The following DPP10 variants were observed in gnomAD, a reference collection of about 807,000 sequenced individuals.
The protein encoded by DPP10 is inactive dipeptidyl peptidase 10.
DPP10 carries 33 observed loss-of-function variants against 120.9 expected under a neutral mutation model. The ratio of observed to expected loss-of-function variants is 0.27; its 90% confidence interval spans 0.21 to 0.37. The LOEUF is 0.37. Ranked by LOEUF, DPP10 falls within the 10% of genes least tolerant of loss-of-function variation. The pLI, the probability that DPP10 is intolerant of heterozygous loss-of-function variation, is 1.00. For synonymous variants in DPP10, 337 were observed against 326.1 expected (o/e 1.03, Z -0.36); for missense variants, 816 against 942.8 (o/e 0.87, Z 1.76).
At chr2:115,504,275 C>CCT (rs2076833027) in intron 4 of DPP10, among the ~76,000 whole-genome samples, 1 of 131,618 alleles carries the variant, frequency 7.6e-6, no homozygotes, top group African/African-American at 2.8e-5. Flanking sequence ...CTATTGCCAA[C>CCT]TTTTTTTTTT....
chr2:114,757,112 G>A (rs1679826763), intron 1 of DPP10, among the ~76,000 whole-genome samples: 1 of 148,936 alleles, frequency 6.7e-6, no homozygotes, highest in African/African-American at 2.5e-5. Context: ...AGGAGGAAGG[G>A]AGGCAGACAG....
At chr2:114,837,086 T>C (rs752306787) in intron 1 of DPP10, among the ~76,000 whole-genome samples, 2 of 152,046 alleles carry the variant, frequency 1.3e-5, no homozygotes, top group Non-Finnish European at 2.9e-5. Flanking sequence ...GGTCATGAGG[T>C]GACATACATC....
chr2:114,907,210 T>G (rs1033837760), intron 1 of DPP10, among the ~76,000 whole-genome samples: 1 of 152,010 alleles, frequency 6.6e-6, no homozygotes, highest in Non-Finnish European at 1.5e-5. Context: ...TTTTTCTTGG[T>G]CGGTGTAGAT....
At chr2:114,989,588 A>G (rs946640812) in intron 1 of DPP10, among the ~76,000 whole-genome samples, 1 of 152,236 alleles carries the variant, frequency 6.6e-6, no homozygotes, top group African/African-American at 2.4e-5. Context: ...GATCTGGCTC[A>G]TGTGAGATCA....
chr2:115,221,699 T>C (rs2057169695), intron 1 of DPP10, among the ~76,000 whole-genome samples: 1 of 151,740 alleles, frequency 6.6e-6, no homozygotes, highest in African/African-American at 2.4e-5. Flanking sequence ...TCATGGCAAT[T>C]AGCCTGGCCA....
chr2:115,259,409 G>A lies in DPP10; in HGVS notation c.61-49830G>A, dbSNP rs192190695. ...TGAGGCATGAGAATCACTTGAACCC[G>A]GGAGGCGGAGGTTGCAGTGAGCCGA... is the stretch of plus-strand genomic sequence containing the variant. On this transcript the variant is annotated intron_variant, in intron 1 of 25. Coordinates refer to ENST00000410059, the MANE Select transcript of DPP10 (RefSeq NM_020868.6). Among the ~76,000 whole-genome samples the A allele has an allele frequency of 2.0e-4, 30 of 151,750 alleles. No individual in the cohort carries two copies. The East Asian group carries it at 4.1e-3, about 21-fold the overall frequency.
intron 1 of DPP10, among the ~76,000 whole-genome samples, chr2:114,967,535 G>A (rs968012701): frequency 1.3e-5 from 2 of 152,160 alleles, no homozygotes; most frequent in African/African-American, 4.8e-5. Flanking sequence ...GGGAATGGGG[G>A]ACAAGGCAGG....
intron 3 of DPP10, among the ~76,000 whole-genome samples, chr2:115,458,441 C>A (rs2073753246): frequency 6.6e-6 from 1 of 151,890 alleles, no homozygotes; most frequent in African/African-American, 2.4e-5. Flanking sequence ...GCTATTTAGA[C>A]TTAAAAGAAA....
chr2:115,597,714 A>G (rs1315166743), intron 5 of DPP10, among the ~76,000 whole-genome samples: 1 of 152,026 alleles, frequency 6.6e-6, no homozygotes. Context: ...AAATCTTATT[A>G]CTGGATTTCA....
At chr2:115,824,637 C>A (rs1296776277) in intron 21 of DPP10, among the ~76,000 whole-genome samples, 2 of 152,106 alleles carry the variant, frequency 1.3e-5, no homozygotes, top group African/African-American at 4.8e-5. Context: ...AATGTCCCTG[C>A]CAAGAACATG....
intron 1 of DPP10, among the ~76,000 whole-genome samples, chr2:115,199,599 A>G (rs538951485): frequency 3.9e-5 from 6 of 152,290 alleles, no homozygotes; most frequent in Admixed American, 6.5e-5. Context: ...TTAAAATAAC[A>G]TACCTACTTA....
intron 19 of DPP10, among the ~76,000 whole-genome samples, chr2:115,794,459 C>G (rs2149930713): frequency 6.6e-6 from 1 of 152,282 alleles, no homozygotes; most frequent in South Asian, 2.1e-4. Context: ...GAAACTCAAA[C>G]TTAATCTCGT....
At chr2:115,173,191 C>T (rs2053475349) in intron 1 of DPP10, among the ~76,000 whole-genome samples, 1 of 152,084 alleles carries the variant, frequency 6.6e-6, no homozygotes, top group Non-Finnish European at 1.5e-5. Flanking sequence ...AGCTACAGTT[C>T]TTGAGCTGTA....
chr2:114,871,461 A>C (rs781237694), intron 1 of DPP10, among the ~76,000 whole-genome samples: 35 of 152,170 alleles, frequency 2.3e-4, no homozygotes, highest in Non-Finnish European at 4.6e-4. Flanking sequence ...CGTTACAAAA[A>C]CTGTAATTAC....
chr2:115,202,398 A>G (rs1172557861), intron 1 of DPP10, among the ~76,000 whole-genome samples: 3 of 152,152 alleles, frequency 2.0e-5, no homozygotes, highest in Non-Finnish European at 2.9e-5. Flanking sequence ...AATTGAACAT[A>G]TTTTCAATTT....
At chr2:115,107,183 T>A in intron 1 of DPP10, among the ~76,000 whole-genome samples, 1 of 151,994 alleles carries the variant, frequency 6.6e-6, no homozygotes, top group East Asian at 1.9e-4. Flanking sequence ...TTAAGAGACT[T>A]TTCCCCTGAT....
chr2:115,209,259 A>G (rs1193894412), intron 1 of DPP10, among the ~76,000 whole-genome samples: 1 of 152,174 alleles, frequency 6.6e-6, no homozygotes, highest in Non-Finnish European at 1.5e-5. Flanking sequence ...CCTATCCAAA[A>G]GGCAAAATAT....
chr2:115,642,690 T>C (rs2086885605), intron 5 of DPP10, among the ~76,000 whole-genome samples: 2 of 152,080 alleles, frequency 1.3e-5, no homozygotes, highest in Non-Finnish European at 2.9e-5. Flanking sequence ...CAGTATCTCA[T>C]ACACACATAC....
intron 1 of DPP10, among the ~76,000 whole-genome samples, chr2:115,274,707 G>A (rs183413512): frequency 4.6e-5 from 7 of 152,170 alleles, no homozygotes; most frequent in Non-Finnish European, 8.8e-5. Context: ...AACTCAGATT[G>A]AATGTGAATT....
Sources: gnomAD v4.1 joint callset for allele counts (sites outside exome capture counted in the v4.1 genomes callset) on GRCh38, gnomAD v4.1.1 for gene constraint, MANE v1.5 for transcripts, NCBI Gene and HGNC (gene_info 2026-07-23, HGNC 2026-07-21) for gene names.